The following ARL15 variants were observed in gnomAD, a reference collection of about 807,000 sequenced individuals.
The protein encoded by ARL15 is ARF like GTPase 15.
Under a neutral mutation model 25.2 loss-of-function variants are expected in ARL15, and 19 were observed. That is an observed-to-expected ratio of 0.75 (90% confidence interval 0.53 to 1.10). The LOEUF (loss-of-function observed/expected upper bound fraction) is 1.10, where lower values mean the gene tolerates loss of function less well. Ranked by LOEUF, ARL15 falls within the 50% of genes least tolerant of loss-of-function variation. The pLI is 0.00. For missense variants in ARL15, 220 were observed against 246.0 expected (o/e 0.89, Z 0.71); for synonymous variants, 94 against 86.8 (o/e 1.08, Z -0.46).
intron 4 of ARL15, among the ~76,000 whole-genome samples, chr5:53,953,311 G>A (rs949618967): frequency 7.9e-5 from 12 of 152,188 alleles, no homozygotes; most frequent in East Asian, 1.9e-4. Flanking sequence ...GATAATATAC[G>A]TGTCTTGTAT....
At chr5:53,981,556 T>C (rs1298745452) in intron 4 of ARL15, among the ~76,000 whole-genome samples, 1 of 152,174 alleles carries the variant, frequency 6.6e-6, no homozygotes, top group East Asian at 1.9e-4. Context: ...GGATTCCTAA[T>C]TTAAAAACTC....
chr5:53,937,679 T>C (rs1176075020), intron 4 of ARL15, among the ~76,000 whole-genome samples: 1 of 152,120 alleles, frequency 6.6e-6, no homozygotes, highest in Non-Finnish European at 1.5e-5. Context: ...CCTAGGAGTG[T>C]AGCAGGCAGG....
intron 3 of ARL15, among the ~76,000 whole-genome samples, chr5:54,144,841 G>A (rs1171896236): frequency 6.6e-6 from 1 of 151,990 alleles, no homozygotes; most frequent in Non-Finnish European, 1.5e-5. Context: ...TTAGTTTGTG[G>A]GTAAACACAG....
intron 3 of ARL15, among the ~76,000 whole-genome samples, chr5:54,135,077 G>C (rs1345413260): frequency 6.6e-6 from 1 of 151,960 alleles, no homozygotes; most frequent in African/African-American, 2.4e-5. Context: ...AAGCCAAAAA[G>C]TTCTTGACAA....
At chr5:54,034,034 C>T (rs1350204095) in intron 4 of ARL15, among the ~76,000 whole-genome samples, 3 of 152,088 alleles carry the variant, frequency 2.0e-5, no homozygotes, top group Non-Finnish European at 2.9e-5. Flanking sequence ...AGGATGGTCT[C>T]GATCTCCTGA....
At chr5:53,901,638 CATTAAGTGTGCAT>C (rs1745067942) in intron 4 of ARL15, among the ~76,000 whole-genome samples, 3 of 97,358 alleles carry the variant, frequency 3.1e-5, no homozygotes. Flanking sequence ...ACTTAATACC[CATTAAGTGTGCAT>C]ATTGAAATGG....
intron 4 of ARL15, among the ~76,000 whole-genome samples, chr5:53,947,031 T>G (rs1375328944): frequency 1.3e-5 from 2 of 152,124 alleles, no homozygotes; most frequent in African/African-American, 2.4e-5. Context: ...AGGGCTGGGA[T>G]GAAGGGAAGG....
At chr5:54,031,689 T>G (rs576812522) in intron 4 of ARL15, among the ~76,000 whole-genome samples, 13 of 152,288 alleles carry the variant, frequency 8.5e-5, no homozygotes, top group African/African-American at 3.1e-4. Context: ...TATACCACCA[T>G]TCATGGCGAG....
chr5:53,929,643 T>TA (rs1746136770), intron 4 of ARL15, among the ~76,000 whole-genome samples: 1 of 152,234 alleles, frequency 6.6e-6, no homozygotes, highest in Non-Finnish European at 1.5e-5. Context: ...GACAGCATTA[T>TA]AAAAGCAAAG....
chr5:53,930,444 A>C (rs879518279), intron 4 of ARL15, among the ~76,000 whole-genome samples: 1 of 152,216 alleles, frequency 6.6e-6, no homozygotes, highest in Non-Finnish European at 1.5e-5. Context: ...TTTCCCATCC[A>C]TGGATAAACC....
At chr5:54,301,782 G>GA (rs1561301282) in intron 1 of ARL15, among the ~76,000 whole-genome samples, 1 of 152,024 alleles carries the variant, frequency 6.6e-6, no homozygotes, top group South Asian at 2.1e-4. Context: ...CTCTCCTGTT[G>GA]AAAAAAGAAC....
At chr5:54,130,308 T>A (rs1408861018) in intron 3 of ARL15, among the ~76,000 whole-genome samples, 1 of 152,204 alleles carries the variant, frequency 6.6e-6, no homozygotes, top group Non-Finnish European at 1.5e-5. Context: ...TTTTATTGGT[T>A]AACTGTCAAG....
rs377403392 is a variant in ARL15, at chr5:54,074,985, CAA to C, written c.462+38215_462+38216del. Among the ~76,000 whole-genome samples, 57 of 139,042 alleles carry C rather than the reference CAA, an allele frequency of 4.1e-4. 1 individual carries two copies. Among genetic ancestry groups the C allele is most frequent in the African/African-American group, 1.5e-3 (56 of 37,068 alleles). 91.2% of individuals were successfully genotyped at this position (139,042 alleles called of 152,430 possible). The stretch of plus-strand genomic sequence containing the variant: ...AGGAATTTTATATCCCCACAAGACA[CAA>C]AAACTCTAGAAATATAAATTAAGAG... On this transcript the variant is annotated intron_variant, in intron 4 of 4. Coordinates refer to ENST00000504924, the MANE Select transcript of ARL15 (RefSeq NM_019087.3).
chr5:54,160,581 C>T (rs762101158), intron 2 of ARL15, among the ~76,000 whole-genome samples: 1 of 152,156 alleles, frequency 6.6e-6, no homozygotes. Context: ...GGAATTCAGT[C>T]TGGATAGAGT....
chr5:54,075,917 A>G (rs1409843123), intron 4 of ARL15, among the ~76,000 whole-genome samples: 5 of 152,228 alleles, frequency 3.3e-5, no homozygotes, highest in African/African-American at 1.2e-4. Context: ...ATCTAGAATT[A>G]GAAAGACCTG....
chr5:54,181,102 A>G (rs1315690173), intron 1 of ARL15, among the ~76,000 whole-genome samples: 2 of 152,226 alleles, frequency 1.3e-5, no homozygotes, highest in Admixed American at 6.5e-5. Flanking sequence ...AAATGAATTC[A>G]AGATTCTCAT....
At chr5:54,149,353 T>G (rs1400742004) in intron 3 of ARL15, among the ~76,000 whole-genome samples, 1 of 151,674 alleles carries the variant, frequency 6.6e-6, no homozygotes, top group Non-Finnish European at 1.5e-5. Context: ...TTTAAACAGG[T>G]GTAATATCTT....
At chr5:53,983,535 A>G (rs1475760422) in intron 4 of ARL15, among the ~76,000 whole-genome samples, 1 of 152,096 alleles carries the variant, frequency 6.6e-6, no homozygotes, top group Non-Finnish European at 1.5e-5. Context: ...GAGAAGGTGC[A>G]CTCTGGTTCA....
At chr5:54,136,591 A>G (rs1231430782) in intron 3 of ARL15, among the ~76,000 whole-genome samples, 1 of 152,240 alleles carries the variant, frequency 6.6e-6, no homozygotes, top group East Asian at 1.9e-4. Context: ...ACATACATTA[A>G]AAGAAGAATC....
Sources: gnomAD v4.1 joint callset for allele counts (sites outside exome capture counted in the v4.1 genomes callset) on GRCh38, gnomAD v4.1.1 for gene constraint, MANE v1.5 for transcripts, NCBI Gene and HGNC (gene_info 2026-07-23, HGNC 2026-07-21) for gene names.